ROBO2: variants seen among roughly 807,000 people sequenced by gnomAD.
The protein encoded by ROBO2 is roundabout guidance receptor 2.
Under a neutral mutation model 160.8 loss-of-function variants are expected in ROBO2, and 53 were observed. That is an observed-to-expected ratio of 0.33 (90% CI 0.26 to 0.41). ROBO2 has a LOEUF of 0.41. ROBO2 is among the 10% of genes least tolerant of loss of function. The pLI, the probability that ROBO2 is intolerant of heterozygous loss-of-function variation, is 1.00. For missense variants in ROBO2, 1,577 were observed against 1,722.4 expected (o/e 0.92, Z 1.49); for synonymous variants, 664 against 611.7 (o/e 1.09, Z -1.26).
At chr3:76,303,787 A>T (rs975522315) in intron 2 of ROBO2, among the ~76,000 whole-genome samples, 5 of 152,340 alleles carry the variant, frequency 3.3e-5, no homozygotes, top group East Asian at 1.9e-4. Flanking sequence ...GCTCATTTGA[A>T]GGTTCAACTA....
chr3:76,837,430 AG>A (rs964918305), intron 2 of ROBO2, among the ~76,000 whole-genome samples: 5 of 151,938 alleles, frequency 3.3e-5, no homozygotes, highest in Non-Finnish European at 7.4e-5. Flanking sequence ...GAAAGAGTTG[AG>A]GTTTTTAAAA....
intron 2 of ROBO2, among the ~76,000 whole-genome samples, chr3:76,265,672 A>T (rs970190109): frequency 1.3e-5 from 2 of 152,176 alleles, no homozygotes; most frequent in African/African-American, 4.8e-5. Context: ...GGATACTATT[A>T]TGATTCCCAT....
intron 2 of ROBO2, among the ~76,000 whole-genome samples, chr3:76,272,892 A>ATATAT (rs1559706036): frequency 3.5e-5 from 2 of 57,720 alleles, no homozygotes; most frequent in Non-Finnish European, 6.5e-5. Context: ...TTATATATAA[A>ATATAT]AATATAATAT....
chr3:77,236,086 A>G (rs2087929749), intron 2 of ROBO2, among the ~76,000 whole-genome samples: 1 of 152,254 alleles, frequency 6.6e-6, no homozygotes, highest in Admixed American at 6.5e-5. Context: ...CAAGGTGGTC[A>G]GGGCACTGTC....
chr3:77,408,762 A>AC (rs796410762), intron 2 of ROBO2, among the ~76,000 whole-genome samples: 8 of 152,066 alleles, frequency 5.3e-5, no homozygotes, highest in African/African-American at 1.9e-4. Flanking sequence ...ACTCTGTGGC[A>AC]CAGTCTGGAT....
intron 2 of ROBO2, among the ~76,000 whole-genome samples, chr3:76,534,346 G>C (rs1167294999): frequency 6.6e-6 from 1 of 152,114 alleles, no homozygotes; most frequent in Non-Finnish European, 1.5e-5. Context: ...TTTAATGTAG[G>C]TGGCGATGAG....
At position 76,325,734 on chromosome 3, in the gene ROBO2, C is replaced by T. The variant is rs972732371; in HGVS notation, c.109+388132C>T. 2.0e-5 allele frequency among the ~76,000 whole-genome samples: 3 copies of T among 151,134 alleles called. 1 individual carries two copies. The highest frequency in any genetic ancestry group is 2.0e-4 in the Admixed American group (3 of 15,184). On this transcript the variant is annotated intron_variant, in intron 2 of 26. Coordinates refer to the ROBO2 transcript ENST00000487694. ...GCCAAATTAAAAAAAAAAACAACAA[C>T]CCTGTTTTGATATTGTTAATAGTCA...
intron 2 of ROBO2, among the ~76,000 whole-genome samples, chr3:77,200,840 C>G (rs115017565): frequency 0.015 from 2,265 of 152,260 alleles, 71 homozygotes; most frequent in African/African-American, 0.051. Context: ...AACATACCAA[C>G]TGGCAAGCGA....
chr3:76,442,946 A>G (rs1370223419), intron 2 of ROBO2, among the ~76,000 whole-genome samples: 2 of 152,168 alleles, frequency 1.3e-5, no homozygotes, highest in Non-Finnish European at 2.9e-5. Flanking sequence ...GTGTTGCTAT[A>G]AAAGATTAAT....
chr3:77,379,288 A>G lies in ROBO2; in HGVS notation c.389-98126A>G, dbSNP rs1050502914. On this transcript the variant is annotated intron_variant, in intron 2 of 25. Coordinates refer to ENST00000461745, the Ensembl canonical transcript of ROBO2. ...CATAACTTAGTTAAGGTACTTACCA[A>G]TACATGCATGCCTTTTGTTAATCTG... is the stretch of plus-strand genomic sequence containing the variant. 2.0e-5 allele frequency among the ~76,000 whole-genome samples: 3 copies of G among 152,180 alleles called. No homozygotes were observed. In the East Asian group the frequency reaches 5.8e-4, roughly 29 times the overall value.
chr3:77,501,712 G>GAAA lies in ROBO2; in HGVS notation c.806+8335_806+8337dup, dbSNP rs562750326. On this transcript the variant is annotated intron_variant, in intron 5 of 25. Transcript: ENST00000461745. ...ACGGCAATATTTTTTTTCAATAGAA[G>GAAA]AAAAAAAGAAACCAGAAAATTGAAA... Among the ~76,000 whole-genome samples, 703 of 150,758 alleles carry GAAA rather than the reference G, an allele frequency of 4.7e-3. 3 individuals carry two copies. The highest frequency in any genetic ancestry group is 0.015 in the African/African-American group (631 of 41,134).
At chr3:77,148,000 GCA>G (rs1469237626) in intron 2 of ROBO2, among the ~76,000 whole-genome samples, 1 of 152,214 alleles carries the variant, frequency 6.6e-6, no homozygotes, top group Non-Finnish European at 1.5e-5. Flanking sequence ...CTTGAACTTT[GCA>G]CACAGAGACG....
At chr3:76,481,754 C>G (rs2107337379) in intron 2 of ROBO2, among the ~76,000 whole-genome samples, 1 of 152,092 alleles carries the variant, frequency 6.6e-6, no homozygotes, top group African/African-American at 2.4e-5. Context: ...GTTTGAGAAC[C>G]ACTGAGGAAG....
In ROBO2 at chr3:76,302,618, T is replaced by A. The variant is rs185196136; in HGVS notation, c.109+365016T>A. On this transcript the variant is annotated intron_variant, in intron 2 of 26. Transcript: ENST00000487694. ...CCATATTTTTCCTCTACTCTTTATA[T>A]TTACATGCAGAAATACTTTCCATTG... 3.1e-3 allele frequency among the ~76,000 whole-genome samples: 472 copies of A among 152,210 alleles called. 1 individual carries two copies. The highest frequency in any genetic ancestry group is 0.011 in the African/African-American group (451 of 41,558).
intron 2 of ROBO2, among the ~76,000 whole-genome samples, chr3:77,295,230 A>C (rs1466026269): frequency 6.7e-6 from 1 of 149,398 alleles, no homozygotes; most frequent in African/African-American, 2.5e-5. Flanking sequence ...CTGAGGCTAG[A>C]TCACCAAAGA....
At chr3:76,632,630 T>G (rs2090093402) in intron 2 of ROBO2, among the ~76,000 whole-genome samples, 1 of 152,230 alleles carries the variant, frequency 6.6e-6, no homozygotes, top group African/African-American at 2.4e-5. Flanking sequence ...AAGAATATCT[T>G]ATCAATATGC....
chr3:77,413,734 C>T (rs555211711), intron 2 of ROBO2, among the ~76,000 whole-genome samples: 6 of 152,188 alleles, frequency 3.9e-5, no homozygotes, highest in South Asian at 4.1e-4. Flanking sequence ...AAAGGAAGAA[C>T]GAGAGTCAAG....
intron 2 of ROBO2, among the ~76,000 whole-genome samples, chr3:76,010,939 C>A (rs1205199117): frequency 6.6e-6 from 1 of 152,086 alleles, no homozygotes; most frequent in Non-Finnish European, 1.5e-5. Context: ...AAAATACATC[C>A]TAGGGCTTGG....
intron 20 of ROBO2, among the ~76,000 whole-genome samples, chr3:77,603,435 A>G (rs2094468887): frequency 5.3e-5 from 8 of 152,190 alleles, no homozygotes; most frequent in Admixed American, 5.2e-4. Flanking sequence ...AGTTCATAAT[A>G]TTAGTATATC....
Sources: gnomAD v4.1 joint callset for allele counts (sites outside exome capture counted in the v4.1 genomes callset) on GRCh38, gnomAD v4.1.1 for gene constraint, MANE v1.5 for transcripts, NCBI Gene and HGNC (gene_info 2026-07-23, HGNC 2026-07-21) for gene names.